The following RANBP2 variants were observed in gnomAD, a reference collection of about 807,000 sequenced individuals.
The protein encoded by RANBP2 is RAN binding protein 2.
In RANBP2, 57 loss-of-function variants were observed where a neutral mutation model predicts 303.6. The observed-to-expected ratio is 0.19, with a 90% CI of 0.15 to 0.23. RANBP2 has a LOEUF of 0.23. Among genes scored for constraint, RANBP2 ranks in the 10% least tolerant of loss-of-function variants. The pLI is 1.00. For synonymous variants in RANBP2, 1,167 were observed against 1,301.5 expected, an observed-to-expected ratio of 0.90 and a Z score of 2.23; for missense variants, 3,138 against 3,780.8, an observed-to-expected ratio of 0.83 and a Z score of 4.46.
chr2:109,499,861 G>T, the RANBP2 span, among the ~76,000 whole-genome samples: 1 of 152,196 alleles, frequency 6.6e-6, no homozygotes, highest in Non-Finnish European at 1.5e-5. Context: ...ACTGACATTT[G>T]CAATGGGGAA....
chr2:108,949,219 T>G, the RANBP2 span, among the ~76,000 whole-genome samples: 3 of 152,208 alleles, frequency 2.0e-5, no homozygotes, highest in Non-Finnish European at 4.4e-5. Flanking sequence ...TGAGCTCAAG[T>G]GTTCCACCTG....
chr2:109,515,215 C>T, the RANBP2 span, among the ~76,000 whole-genome samples: 2 of 152,156 alleles, frequency 1.3e-5, no homozygotes, highest in Admixed American at 6.5e-5. Context: ...GGAAACTCGG[C>T]GGCACCCAGC....
chr2:109,130,967 CG>C, the RANBP2 span, among the ~76,000 whole-genome samples: 418 of 151,988 alleles, frequency 2.8e-3, 2 homozygotes, highest in African/African-American at 9.6e-3. Flanking sequence ...AGAAAGGACC[CG>C]GGTTTTGTTA....
chr2:108,840,493 T>G, the RANBP2 span, among the ~76,000 whole-genome samples: 1 of 152,166 alleles, frequency 6.6e-6, no homozygotes, highest in African/African-American at 2.4e-5. Context: ...ATTATGAATT[T>G]AAGTTCTTTA....
At chr2:109,713,488 C>T in the RANBP2 span, among the ~76,000 whole-genome samples, 1 of 152,208 alleles carries the variant, frequency 6.6e-6, no homozygotes, top group Non-Finnish European at 1.5e-5. Context: ...GAAACCCATA[C>T]AGCCTCTCAG....
the RANBP2 span, among the ~76,000 whole-genome samples, chr2:109,315,720 G>C: frequency 1.3e-5 from 2 of 152,188 alleles, no homozygotes; most frequent in African/African-American, 2.4e-5. Flanking sequence ...GGTTCCTCTG[G>C]GGCTCTTTCA....
the RANBP2 span, among the ~76,000 whole-genome samples, chr2:108,889,555 C>CTT: frequency 6.0e-5 from 9 of 149,874 alleles, no homozygotes; most frequent in African/African-American, 2.2e-4. Flanking sequence ...TTTTTCTTTT[C>CTT]TTTTTTTTTT....
At chr2:108,958,523 G>C in the RANBP2 span, among the ~76,000 whole-genome samples, 101 of 152,282 alleles carry the variant, frequency 6.6e-4, no homozygotes, top group Non-Finnish European at 1.2e-3. Flanking sequence ...GAACAGGGGG[G>C]CATGGCAAGA....
chr2:108,771,739 G>A lies in RANBP2; in HGVS notation c.7888G>A (p.Asp2630Asn). 1 of 1,613,810 alleles carries A rather than the reference G, an allele frequency of 6.2e-7. No individual in the cohort carries two copies. Among genetic ancestry groups the A allele is most frequent in the South Asian group, 1.1e-5 (1 of 91,076 alleles). The change falls in exon 21 of 29, where the codon GAT (aspartate) becomes AAT (asparagine). Residue 2630 changes from aspartate (D) to asparagine (N), a missense_variant. Asp to Asn is a conservative substitution (Grantham distance 23). Coordinates refer to ENST00000283195, the MANE Select transcript of RANBP2 (RefSeq NM_006267.5). ...KKKPEDSPSD[D>N]DVLIVYELTP... ...AAAACCTGAAGATTCTCCCTCAGAT[G>A]ATGATGTTCTCATTGTATATGAACT...
the RANBP2 span, among the ~76,000 whole-genome samples, chr2:109,279,413 G>C: frequency 1.3e-5 from 2 of 152,210 alleles, no homozygotes; most frequent in African/African-American, 4.8e-5. Flanking sequence ...TGGAGTGACT[G>C]TCCCTTGACC....
the RANBP2 span, among the ~76,000 whole-genome samples, chr2:109,334,070 A>C: frequency 1.3e-5 from 2 of 152,196 alleles, no homozygotes; most frequent in South Asian, 4.1e-4. Flanking sequence ...TTTGAAGATC[A>C]CCTCAAAACC....
the RANBP2 span, among the ~76,000 whole-genome samples, chr2:109,212,883 A>G: frequency 6.6e-6 from 1 of 152,022 alleles, no homozygotes; most frequent in East Asian, 1.9e-4. Context: ...GGTGGATCAG[A>G]CACAGTCTTG....
At chr2:109,204,331 A>G in the RANBP2 span, among the ~76,000 whole-genome samples, 31 of 152,334 alleles carry the variant, frequency 2.0e-4, no homozygotes, top group African/African-American at 7.5e-4. Context: ...TGATCCTGTT[A>G]TCTCACCTAA....
At chr2:109,388,855 G>T in the RANBP2 span, among the ~76,000 whole-genome samples, 1 of 152,094 alleles carries the variant, frequency 6.6e-6, no homozygotes, top group East Asian at 1.9e-4. Context: ...GGGGTATAGA[G>T]ACGGGAGGGA....
At chr2:108,904,090 T>C in the RANBP2 span, among the ~76,000 whole-genome samples, 2 of 152,088 alleles carry the variant, frequency 1.3e-5, no homozygotes, top group African/African-American at 4.8e-5. Context: ...GTCTAGAATA[T>C]ATTTTTAAAA....
chr2:109,438,440 G>A, the RANBP2 span, among the ~76,000 whole-genome samples: 1 of 152,206 alleles, frequency 6.6e-6, no homozygotes, highest in Non-Finnish European at 1.5e-5. Flanking sequence ...TACCTGTCAA[G>A]CAGTGGGTAA....
chr2:108,999,611 G>A, the RANBP2 span, among the ~76,000 whole-genome samples: 1 of 152,188 alleles, frequency 6.6e-6, no homozygotes. Flanking sequence ...ACGCCACATG[G>A]AGATTCCTGG....
the RANBP2 span, among the ~76,000 whole-genome samples, chr2:109,113,048 A>T: frequency 6.6e-6 from 1 of 152,174 alleles, no homozygotes; most frequent in East Asian, 1.9e-4. Context: ...CTTGTAGTAT[A>T]GTTTGAAGTC....
At chr2:109,716,605 G>A in the RANBP2 span, among the ~76,000 whole-genome samples, 3 of 151,982 alleles carry the variant, frequency 2.0e-5, no homozygotes, top group Admixed American at 6.6e-5. Flanking sequence ...GAAGTGCAGT[G>A]GTGCAATTTC....
Sources: gnomAD v4.1 joint callset for allele counts (sites outside exome capture counted in the v4.1 genomes callset) on GRCh38, gnomAD v4.1.1 for gene constraint, MANE v1.5 for transcripts, NCBI Gene and HGNC (gene_info 2026-07-23, HGNC 2026-07-21) for gene names.